AKAP19: variants seen among roughly 807,000 people sequenced by gnomAD.
AKAP19 encodes the protein small A-kinase anchoring protein.
chr2:189,915,912 T>A, the AKAP19 span, among the ~76,000 whole-genome samples: 6 of 152,208 alleles, frequency 3.9e-5, no homozygotes, highest in Non-Finnish European at 7.4e-5. Context: ...AGCTATTCTG[T>A]ACTTATTCAG....
At chr2:190,153,836 A>C in the AKAP19 span, among the ~76,000 whole-genome samples, 1 of 152,164 alleles carries the variant, frequency 6.6e-6, no homozygotes, top group African/African-American at 2.4e-5. Flanking sequence ...TCATAACTAA[A>C]GTTGATAATT....
At chr2:189,897,151 T>C in the AKAP19 span, among the ~76,000 whole-genome samples, 1 of 152,162 alleles carries the variant, frequency 6.6e-6, no homozygotes, top group African/African-American at 2.4e-5. Flanking sequence ...AGTGCAAAGC[T>C]TGGGATATAG....
the AKAP19 span, among the ~76,000 whole-genome samples, chr2:190,102,819 A>G: frequency 6.6e-6 from 1 of 152,152 alleles, no homozygotes; most frequent in African/African-American, 2.4e-5. Flanking sequence ...TCAAGGAGGA[A>G]GGACTCCTTC....
the AKAP19 span, among the ~76,000 whole-genome samples, chr2:190,088,191 C>A: frequency 6.6e-6 from 1 of 152,138 alleles, no homozygotes; most frequent in African/African-American, 2.4e-5. Flanking sequence ...ATTATGCCTT[C>A]TGGTACAGTG....
At chr2:190,200,131 G>C in the AKAP19 span, 37 of 1,613,866 alleles carry the variant, frequency 2.3e-5, no homozygotes, top group Non-Finnish European at 3.1e-5. Flanking sequence ...TCCATACATT[G>C]AGAGTGAGGG....
At chr2:190,024,798 A>G in the AKAP19 span, among the ~76,000 whole-genome samples, 1 of 152,168 alleles carries the variant, frequency 6.6e-6, no homozygotes, top group Non-Finnish European at 1.5e-5. Flanking sequence ...TTTCTAACCT[A>G]TTCTATTGAT....
chr2:190,188,429 G>A, the AKAP19 span, among the ~76,000 whole-genome samples: 1 of 152,198 alleles, frequency 6.6e-6, no homozygotes, highest in East Asian at 1.9e-4. Flanking sequence ...AGCATTTAAT[G>A]TATCACACCT....
At chr2:190,077,983 G>C in the AKAP19 span, among the ~76,000 whole-genome samples, 2 of 152,130 alleles carry the variant, frequency 1.3e-5, no homozygotes, top group African/African-American at 4.8e-5. Context: ...TAAGTGTTCA[G>C]CTATTGTTCT....
chr2:189,973,017 A>G, the AKAP19 span, among the ~76,000 whole-genome samples: 75 of 152,244 alleles, frequency 4.9e-4, no homozygotes, highest in Non-Finnish European at 8.7e-4. Context: ...TTCCAACACT[A>G]TGTTGAATAG....
chr2:190,148,953 C>CTTTTTTTT, the AKAP19 span, among the ~76,000 whole-genome samples: 4 of 134,072 alleles, frequency 3.0e-5, no homozygotes, highest in African/African-American at 1.1e-4. Flanking sequence ...TCTTTTCTTT[C>CTTTTTTTT]TTTTTTTTTT....
chr2:190,062,757 A>G, the AKAP19 span: 7 of 638,754 alleles, frequency 1.1e-5, no homozygotes, highest in Non-Finnish European at 1.8e-5. Flanking sequence ...GTGGCTTTTT[A>G]TATTCCAACT....
the AKAP19 span, among the ~76,000 whole-genome samples, chr2:189,928,810 C>G: frequency 6.6e-6 from 1 of 152,130 alleles, no homozygotes; most frequent in Admixed American, 6.5e-5. Context: ...CAATATGCAG[C>G]TCAACATAAA....
the AKAP19 span, among the ~76,000 whole-genome samples, chr2:190,122,527 T>C: frequency 6.6e-6 from 1 of 152,220 alleles, no homozygotes; most frequent in Non-Finnish European, 1.5e-5. Flanking sequence ...TTCTGTTTCC[T>C]TTTATTTTTG....
chr2:189,958,755 T>C, the AKAP19 span, among the ~76,000 whole-genome samples: 1 of 151,892 alleles, frequency 6.6e-6, no homozygotes, highest in Admixed American at 6.6e-5. Context: ...CTTTATATAA[T>C]GGAATGCTAC....
At chr2:190,042,839 T>A in the AKAP19 span, among the ~76,000 whole-genome samples, 1 of 152,194 alleles carries the variant, frequency 6.6e-6, no homozygotes, top group Admixed American at 6.5e-5. Flanking sequence ...CAGTGATCTT[T>A]CTTTTCTATA....
At chr2:190,152,892 ATTCT>A in the AKAP19 span, among the ~76,000 whole-genome samples, 1 of 135,394 alleles carries the variant, frequency 7.4e-6, no homozygotes, top group East Asian at 2.0e-4. Flanking sequence ...TTACTCGCCC[ATTCT>A]TTCTTTTTTT....
At chr2:189,901,221 G>A in the AKAP19 span, among the ~76,000 whole-genome samples, 1 of 151,856 alleles carries the variant, frequency 6.6e-6, no homozygotes, top group African/African-American at 2.4e-5. Context: ...GGGTTTTTGT[G>A]TCATCAAATA....
chr2:190,115,355 T>C, the AKAP19 span, among the ~76,000 whole-genome samples: 6 of 98,110 alleles, frequency 6.1e-5, no homozygotes, highest in South Asian at 4.8e-4. Context: ...AGTCTCGCTC[T>C]GTCGCCCAGG....
chr2:189,902,588 C>T, the AKAP19 span, among the ~76,000 whole-genome samples: 1 of 151,830 alleles, frequency 6.6e-6, no homozygotes, highest in African/African-American at 2.4e-5. Context: ...AGTATGTCAA[C>T]TGGTATGTGG....
Sources: allele counts gnomAD v4.1 joint callset (sites outside exome capture counted in the v4.1 genomes callset), GRCh38; gene constraint gnomAD v4.1.1; transcripts MANE v1.5; gene names NCBI Gene and HGNC (gene_info 2026-07-23, HGNC 2026-07-21).